Variants in DLGAP3 observed in about 807,000 individuals in gnomAD.
DLGAP3 encodes DLG associated protein 3, also known as disks large-associated protein 3.
DLGAP3 carries 17 observed loss-of-function variants against 81.2 expected under a neutral mutation model. That is an observed-to-expected ratio of 0.21 (90% CI 0.14 to 0.31). The LOEUF is 0.31. Among genes scored for constraint, DLGAP3 ranks in the 10% least tolerant of loss-of-function variants. DLGAP3 has a pLI of 1.00. For missense variants in DLGAP3, 1,124 were observed against 1,388.0 expected (o/e 0.81, Z 3.02); for synonymous variants, 577 against 587.4 (o/e 0.98, Z 0.26).
chr1:34,902,219 AG>A lies in DLGAP3; in HGVS notation c.1108-1947del, dbSNP rs138286924. On this transcript the variant is annotated intron_variant, in intron 3 of 11. Coordinates refer to ENST00000373347, the MANE Select transcript of DLGAP3 (RefSeq NM_001080418.3). This position sits in a 1 kb window ranked among gnomAD's most constrained non-coding sequence, Gnocchi z 4.4. The stretch of plus-strand genomic sequence containing the variant: ...GTGTAAAGAACAGGTTAAATGGGGT[AG>A]GGATGGGAGCTCCAAAAGGGGTAAC... 0.01 allele frequency among the ~76,000 whole-genome samples: 1,595 copies of A among 152,080 alleles called. 36 individuals are homozygous for A. Among genetic ancestry groups the A allele is most frequent in the African/African-American group, 0.036 (1,502 of 41,482 alleles).
rs374857726 is a variant in DLGAP3 at position 34,878,030 on chromosome 1, C to T, written c.2000+6948G>A. Among the ~76,000 whole-genome samples the T allele has an allele frequency of 2.6e-4, 40 of 152,354 alleles. 1 individual carries two copies. In the East Asian group the frequency reaches 5.0e-3, roughly 19 times the overall value. Reference sequence around the variant, plus strand: ...TTATAAGCAACACATATAGGCCAGGCACCGTGGCTCACTCCTGTAATCCCA... The same window carrying T: ...TTATAAGCAACACATATAGGCCAGGTACCGTGGCTCACTCCTGTAATCCCA... On this transcript the variant is annotated intron_variant, in intron 8 of 11. Transcript: ENST00000373347.
intron 8 of DLGAP3, among the ~76,000 whole-genome samples, chr1:34,870,432 T>C (rs558883557): frequency 6.6e-6 from 1 of 152,002 alleles, no homozygotes; most frequent in Admixed American, 6.5e-5. Flanking sequence ...AGCTCTAGGG[T>C]CCCTCCACCT....
In DLGAP3 at chr1:34,900,381, C is replaced by A; in HGVS notation, c.1108-108G>T. 1.7e-6 allele frequency: 2 copies of A among 1,165,052 alleles called. No individual in the cohort carries two copies. The highest frequency in any genetic ancestry group is 2.5e-6 in the Non-Finnish European group (2 of 786,228). The allele number at this position is 1,165,052 out of a possible 1,614,324, so 72.2% of individuals were successfully genotyped here. A position where few individuals can be genotyped will look rare whatever the true frequency, so the allele number is the denominator to read the frequency against. ...GATGCCCTGCCCTGGCTTGAACAGG[C>A]ACACTCAGGTACATGCAGAGGCAGA... On this transcript the variant is annotated intron_variant, in intron 3 of 11. Coordinates refer to ENST00000373347, the MANE Select transcript of DLGAP3 (RefSeq NM_001080418.3). This position sits in a 1 kb window ranked among gnomAD's most constrained non-coding sequence, Gnocchi z 5.6.
At position 34,895,959 on chromosome 1, in the gene DLGAP3, TC is replaced by T. The variant is rs1639375157; in HGVS notation, c.1386+3709del. 7.1e-6 allele frequency among the ~76,000 whole-genome samples: 1 copy of T among 139,900 alleles called. No individual in the cohort carries two copies. The highest frequency in any genetic ancestry group is 1.6e-5 in the Non-Finnish European group (1 of 63,296). 91.8% of individuals were successfully genotyped at this position (139,900 alleles called of 152,430 possible). A position where few individuals can be genotyped will look rare whatever the true frequency, so the allele number is the denominator to read the frequency against. On this transcript the variant is annotated intron_variant, in intron 5 of 11. Coordinates refer to ENST00000373347, the MANE Select transcript of DLGAP3 (RefSeq NM_001080418.3). This position sits in a 1 kb window ranked among gnomAD's most constrained non-coding sequence, Gnocchi z 4.5. Reference sequence around the variant, plus strand: ...ACACACACACACACACACACACTACTCAAAGTGGGTCATACATCTAAATATA... The same window carrying T: ...ACACACACACACACACACACACTACTAAAGTGGGTCATACATCTAAATATA...
intron 4 of DLGAP3, 70 bp downstream of exon 4, chr1:34,899,998 A>G: frequency 7.3e-7 from 1 of 1,366,212 alleles, no homozygotes; most frequent in Non-Finnish European, 1.0e-6. Context: ...CACCCACTCT[A>G]CACACATCTC....
chr1:34,868,261 TC>T lies in DLGAP3; in HGVS notation c.2485+343del, dbSNP rs1638917295. On this transcript the variant is annotated intron_variant, in intron 9 of 11. Coordinates refer to ENST00000373347, the MANE Select transcript of DLGAP3 (RefSeq NM_001080418.3). This position sits in a 1 kb window ranked among gnomAD's most constrained non-coding sequence, Gnocchi z 7.5. ...TGTAATCTTGGTCGCACCACCTGGATCCCCACACCAGTCCAGATCTGAACGG... is the reference window on the plus strand; with the variant it reads ...TGTAATCTTGGTCGCACCACCTGGATCCCACACCAGTCCAGATCTGAACGG... Among the ~76,000 whole-genome samples the T allele has an allele frequency of 6.6e-6, 1 of 152,130 alleles. No homozygotes were observed. Among genetic ancestry groups the T allele is most frequent in the African/African-American group, 2.4e-5 (1 of 41,418 alleles).
At chr1:34,885,998 A>G in intron 6 of DLGAP3, 74 bp downstream of exon 6, 1 of 1,435,218 alleles carries the variant, frequency 7.0e-7, no homozygotes, top group African/African-American at 1.4e-5. Context: ...AGCACAGTCG[A>G]GGGGGAGGCC....
Position 34,868,838 on chromosome 1 carries a change from G to T in DLGAP3, c.2252C>A (p.Ala751Asp). ...GGCAGGGCCGGGCGACCCATCGGTG[G>T]CCGGCGGCTCGTACGGCAGTGGGTA... Reference protein sequence around the residue: ...EGYPLPYEPPATDGSPGPAPA... With the variant: ...EGYPLPYEPPDTDGSPGPAPA... Residue 751 changes from alanine to aspartate, a missense_variant, in exon 9 of 12, where the codon GCC (alanine) becomes GAC (aspartate). Physicochemically the swap from Ala to Asp is moderately radical, Grantham distance 126. This residue lies in a region of DLGAP3 where 379 missense variants were observed against 455.7 expected (regional missense o/e 0.83). Transcript: ENST00000373347. The surrounding 1 kb of genome is among the most constrained non-coding windows in gnomAD (Gnocchi z 7.5). The T allele has an allele frequency of 6.3e-7, 1 of 1,582,184 alleles. No individual in the cohort carries two copies. Among genetic ancestry groups the T allele is most frequent in the Non-Finnish European group, 8.6e-7 (1 of 1,169,442 alleles).
Position 34,905,438 on chromosome 1 carries a change from GA to G in DLGAP3, c.-51-5del. 1 of 1,501,006 alleles carries G rather than the reference GA, an allele frequency of 6.7e-7. No individual in the cohort carries two copies. Among genetic ancestry groups the G allele is most frequent in the Non-Finnish European group, 8.9e-7 (1 of 1,120,886 alleles). 93.0% of individuals were successfully genotyped at this position (1,501,006 alleles called of 1,614,324 possible). ...GGGGCCAGGCCCCAGGAACCTCCTG[GA>G]AAAATAGGGAGAAAAGGTATTTGAA... On this transcript the variant is annotated splice_region_variant and splice_polypyrimidine_tract_variant and intron_variant, in intron 2 of 11. Coordinates refer to ENST00000373347, the MANE Select transcript of DLGAP3 (RefSeq NM_001080418.3).
chr1:34,917,072 C>A (rs1011844726), intron 1 of DLGAP3, among the ~76,000 whole-genome samples: 2 of 152,092 alleles, frequency 1.3e-5, no homozygotes, highest in Non-Finnish European at 1.5e-5. Flanking sequence ...CCCCAGTGTG[C>A]CCTTTCTCAT....
intron 1 of DLGAP3, among the ~76,000 whole-genome samples, chr1:34,928,511 C>A (rs1217421473): frequency 1.3e-5 from 2 of 151,988 alleles, no homozygotes; most frequent in East Asian, 3.9e-4. Context: ...AGGTAGAGAC[C>A]AAGCTGGGGA....
At chr1:34,872,480 C>T (rs902622251) in intron 8 of DLGAP3, among the ~76,000 whole-genome samples, 1 of 152,126 alleles carries the variant, frequency 6.6e-6, no homozygotes, top group African/African-American at 2.4e-5. Flanking sequence ...CTTGCTGTAT[C>T]CCAAGAGGAA....
At chr1:34,870,873 C>G (rs952352681) in intron 8 of DLGAP3, among the ~76,000 whole-genome samples, 4 of 152,226 alleles carry the variant, frequency 2.6e-5, no homozygotes, top group African/African-American at 9.6e-5. Flanking sequence ...GGCTTTCTCA[C>G]TGTGTGCCTT....
chr1:34,917,400 T>C (rs529484816), intron 1 of DLGAP3, among the ~76,000 whole-genome samples: 8 of 148,708 alleles, frequency 5.4e-5, no homozygotes, highest in African/African-American at 1.7e-4. Flanking sequence ...CAGGCCGGAG[T>C]GCAGTGGCAC....
intron 1 of DLGAP3, among the ~76,000 whole-genome samples, chr1:34,914,098 A>C (rs1639681692): frequency 6.6e-6 from 1 of 152,200 alleles, no homozygotes; most frequent in South Asian, 2.1e-4. Context: ...TCTACCACCC[A>C]GCCCCACATA....
At chr1:34,885,913 C>A in intron 6 of DLGAP3, 122 bp from the exon 7 acceptor site, 1 of 1,127,798 alleles carries the variant, frequency 8.9e-7, no homozygotes, top group Non-Finnish European at 1.2e-6. Flanking sequence ...GCGCACTCCA[C>A]ATGCTGCTGC....
chr1:34,880,870 C>G (rs918562684), intron 8 of DLGAP3, among the ~76,000 whole-genome samples: 1 of 151,594 alleles, frequency 6.6e-6, no homozygotes, highest in Non-Finnish European at 1.5e-5. Flanking sequence ...AAAATAAAAC[C>G]AGAATAGGTC....
chr1:34,877,596 A>G (rs1639077579), intron 8 of DLGAP3, among the ~76,000 whole-genome samples: 1 of 152,334 alleles, frequency 6.6e-6, no homozygotes, highest in South Asian at 2.1e-4. Context: ...TTTCACAGAG[A>G]CTTTTTAAGA....
rs12137070 is a variant in DLGAP3, at chr1:34,873,129, G to C, written c.2001-4040C>G. On this transcript the variant is annotated intron_variant, in intron 8 of 11. Transcript: ENST00000373347. This position sits in a 1 kb window ranked among gnomAD's most constrained non-coding sequence, Gnocchi z 4.2. ...AAACAGTCCCACTCTATGGATGTTA[G>C]TGTCAGCCCTACTTGTAGATCAGAA... Among the ~76,000 whole-genome samples, 28,844 of 152,242 alleles carry C rather than the reference G, an allele frequency of 0.19. 3,592 individuals carry two copies. Among genetic ancestry groups the C allele is most frequent in the Non-Finnish European group, 0.29 (19,808 of 67,994 alleles).
Sources: gnomAD v4.1 joint callset for allele counts (sites outside exome capture counted in the v4.1 genomes callset) on GRCh38, gnomAD v4.1.1 for gene constraint, gnomAD v4.1.1 regional missense constraint, Gnocchi (gnomAD v3.1) non-coding constraint, MANE v1.5 for transcripts, NCBI Gene and HGNC (gene_info 2026-07-23, HGNC 2026-07-21) for gene names.